The following STXBP5L variants were observed in gnomAD, a reference collection of about 807,000 sequenced individuals.
STXBP5L encodes the protein syntaxin-binding protein 5-like.
A neutral mutation model predicts 144.5 loss-of-function variants in STXBP5L; 65 were observed. That is an observed-to-expected ratio of 0.45 (90% CI 0.37 to 0.55). STXBP5L has a LOEUF of 0.55. STXBP5L is among the 20% of genes least tolerant of loss of function. The probability of loss-of-function intolerance (pLI) is 0.00; values close to 1 mark genes in which losing one functional copy is unlikely to be tolerated. For synonymous variants in STXBP5L, 505 were observed against 469.6 expected, an observed-to-expected ratio of 1.08 and a Z score of -0.97; for missense variants, 1,298 against 1,405.5, an observed-to-expected ratio of 0.92 and a Z score of 1.22.
chr3:120,951,866 T>G (rs1392969397), intron 2 of STXBP5L, among the ~76,000 whole-genome samples: 1 of 152,052 alleles, frequency 6.6e-6, no homozygotes. Context: ...GTATGTTTAT[T>G]GCGGCACTAT....
At chr3:121,290,775 A>G (rs1483276614) in intron 19 of STXBP5L, among the ~76,000 whole-genome samples, 5 of 152,080 alleles carry the variant, frequency 3.3e-5, no homozygotes, top group Non-Finnish European at 7.4e-5. Flanking sequence ...TAAATGTGAT[A>G]CATCACGAAA....
At chr3:121,192,030 G>A (rs545888656) in intron 9 of STXBP5L, among the ~76,000 whole-genome samples, 2 of 152,150 alleles carry the variant, frequency 1.3e-5, no homozygotes, top group South Asian at 2.1e-4. Context: ...CACCAACATG[G>A]CACATGTATA....
At chr3:121,254,624 G>T (rs2050146421) in intron 15 of STXBP5L, among the ~76,000 whole-genome samples, 2 of 152,086 alleles carry the variant, frequency 1.3e-5, no homozygotes, top group African/African-American at 4.8e-5. Flanking sequence ...CTTCCTTCAT[G>T]AGACTTTTCT....
At chr3:121,042,850 G>A (rs1375934032) in intron 4 of STXBP5L, among the ~76,000 whole-genome samples, 1 of 151,850 alleles carries the variant, frequency 6.6e-6, no homozygotes, top group Non-Finnish European at 1.5e-5. Context: ...AATGAGAAAG[G>A]AAGGTAAAGA....
intron 5 of STXBP5L, among the ~76,000 whole-genome samples, chr3:121,100,213 A>C (rs2043345462): frequency 6.6e-6 from 1 of 152,110 alleles, no homozygotes; most frequent in Non-Finnish European, 1.5e-5. Flanking sequence ...TTAACAATGA[A>C]ATTCTGGATT....
chr3:121,374,495 T>A (rs2046126181), intron 20 of STXBP5L, among the ~76,000 whole-genome samples: 1 of 152,026 alleles, frequency 6.6e-6, no homozygotes, highest in Admixed American at 6.6e-5. Flanking sequence ...TGAAAAGGAA[T>A]TTAAAATAAC....
chr3:121,394,103 A>G (rs2046663923), intron 22 of STXBP5L, among the ~76,000 whole-genome samples: 1 of 151,942 alleles, frequency 6.6e-6, no homozygotes, highest in African/African-American at 2.4e-5. Context: ...AATTTCTTTC[A>G]CTAGTGTTTT....
At chr3:121,344,738 A>G (rs1483310383) in intron 20 of STXBP5L, among the ~76,000 whole-genome samples, 1 of 151,942 alleles carries the variant, frequency 6.6e-6, no homozygotes, top group Non-Finnish European at 1.5e-5. Flanking sequence ...TTGGTGGTGA[A>G]TTTAGAGCAA....
chr3:120,911,211 A>G (rs929604648), intron 2 of STXBP5L, among the ~76,000 whole-genome samples: 5 of 152,130 alleles, frequency 3.3e-5, no homozygotes, highest in African/African-American at 1.2e-4. Context: ...TTGAGGTCAT[A>G]AAGCTTGTAG....
intron 10 of STXBP5L, among the ~76,000 whole-genome samples, chr3:121,215,794 T>A (rs1030794020): frequency 1.3e-5 from 2 of 152,218 alleles, no homozygotes; most frequent in African/African-American, 2.4e-5. Context: ...TCCTGAAGAG[T>A]GTTTTCCAAC....
At chr3:121,363,938 C>A (rs1479064575) in intron 20 of STXBP5L, among the ~76,000 whole-genome samples, 1 of 152,026 alleles carries the variant, frequency 6.6e-6, no homozygotes, top group East Asian at 1.9e-4. Flanking sequence ...TAATAATAGT[C>A]CCTTACCAGA....
chr3:121,047,851 A>C (rs1947631406), intron 5 of STXBP5L, among the ~76,000 whole-genome samples: 1 of 152,048 alleles, frequency 6.6e-6, no homozygotes, highest in South Asian at 2.1e-4. Context: ...TTTACATTCA[A>C]GTTTAATATT....
intron 13 of STXBP5L, among the ~76,000 whole-genome samples, chr3:121,239,475 A>G (rs1382013376): frequency 6.6e-6 from 1 of 151,062 alleles, no homozygotes; most frequent in Middle Eastern, 3.2e-3. Flanking sequence ...TCCAACAATG[A>G]TAGATTGGAT....
At chr3:121,109,867 A>G (rs1425330334) in intron 5 of STXBP5L, among the ~76,000 whole-genome samples, 1 of 152,110 alleles carries the variant, frequency 6.6e-6, no homozygotes, top group Non-Finnish European at 1.5e-5. Flanking sequence ...GGTTTCTAAG[A>G]ACTTGTTTTA....
chr3:121,079,773 C>T (rs553254382), intron 5 of STXBP5L, among the ~76,000 whole-genome samples: 14 of 152,254 alleles, frequency 9.2e-5, no homozygotes, highest in South Asian at 2.1e-4. Flanking sequence ...ATGTTCCCCA[C>T]GCTGATGAGA....
At chr3:121,181,658 C>T (rs186572918) in intron 9 of STXBP5L, among the ~76,000 whole-genome samples, 2 of 151,194 alleles carry the variant, frequency 1.3e-5, no homozygotes, top group East Asian at 4.0e-4. Flanking sequence ...TGCTTGAACC[C>T]AAGAGGCAGT....
chr3:121,008,259 C>T (rs1028006015), intron 3 of STXBP5L, among the ~76,000 whole-genome samples: 3 of 151,940 alleles, frequency 2.0e-5, no homozygotes, highest in Non-Finnish European at 2.9e-5. Context: ...AGGGTCAGTT[C>T]CCAGTATAAT....
intron 15 of STXBP5L, among the ~76,000 whole-genome samples, chr3:121,253,815 T>TC (rs1351903771): frequency 6.9e-6 from 1 of 144,812 alleles, no homozygotes; most frequent in Non-Finnish European, 1.5e-5. Flanking sequence ...TTTTTCTTTT[T>TC]TTTTTTTTTT....
intron 7 of STXBP5L, among the ~76,000 whole-genome samples, chr3:121,138,267 A>T (rs966821992): frequency 2.0e-5 from 3 of 152,160 alleles, no homozygotes; most frequent in African/African-American, 7.2e-5. Flanking sequence ...AAGAAGACAC[A>T]TAAATGGAAA....
Sources: allele counts gnomAD v4.1 joint callset (sites outside exome capture counted in the v4.1 genomes callset), GRCh38; gene constraint gnomAD v4.1.1; transcripts MANE v1.5; gene names NCBI Gene and HGNC (gene_info 2026-07-23, HGNC 2026-07-21).